RAMP1: variants seen among roughly 807,000 people sequenced by gnomAD.
The protein encoded by RAMP1 is receptor activity-modifying protein 1.
Under a neutral mutation model 8.2 loss-of-function variants are expected in RAMP1, and 7 were observed. The observed-to-expected ratio is 0.85, with a 90% CI of 0.49 to 1.60. The LOEUF is 1.60. Among genes scored for constraint, RAMP1 ranks in the 40% most tolerant of loss-of-function variants. The pLI is 0.00. For synonymous variants in RAMP1, 92 were observed against 84.7 expected, an observed-to-expected ratio of 1.09 and a Z score of -0.47; for missense variants, 192 against 202.4, an observed-to-expected ratio of 0.95 and a Z score of 0.31.
At chr2:237,859,821 AGCGGGTGGGG>A (rs1559931930) in intron 1 of RAMP1, 94 bp downstream of exon 1, 12 of 950,346 alleles carry the variant, frequency 1.3e-5, no homozygotes, top group South Asian at 2.6e-5. Flanking sequence ...AGCGGGTGGG[AGCGGGTGGGG>A]GCGGGCGCCG....
intron 2 of RAMP1, among the ~76,000 whole-genome samples, chr2:237,906,833 C>T (rs1236425610): frequency 6.6e-6 from 1 of 150,832 alleles, no homozygotes; most frequent in Non-Finnish European, 1.5e-5. Context: ...AGTAATTCTC[C>T]TGCCTCAGCC....
chr2:237,901,672 C>T (rs749151432), intron 2 of RAMP1, among the ~76,000 whole-genome samples: 23 of 152,066 alleles, frequency 1.5e-4, no homozygotes, highest in Admixed American at 1.0e-3. Flanking sequence ...GCACTGAAGG[C>T]GTGAAGCAGG....
At chr2:237,885,292 C>T (rs986282034) in intron 2 of RAMP1, among the ~76,000 whole-genome samples, 1 of 152,190 alleles carries the variant, frequency 6.6e-6, no homozygotes, top group Middle Eastern at 3.2e-3. Context: ...TCGACCCCCA[C>T]GAGGTCTCGG....
chr2:237,894,631 G>A (rs1029540845), intron 2 of RAMP1, among the ~76,000 whole-genome samples: 4 of 152,214 alleles, frequency 2.6e-5, no homozygotes, highest in South Asian at 4.1e-4. Context: ...CATCCCAGAA[G>A]CCAGGCGGGG....
At chr2:237,909,302 A>G (rs989111801) in intron 2 of RAMP1, among the ~76,000 whole-genome samples, 4 of 152,170 alleles carry the variant, frequency 2.6e-5, no homozygotes, top group Non-Finnish European at 5.9e-5. Flanking sequence ...CCTGTCTACA[A>G]AACAATGGGT....
intron 2 of RAMP1, among the ~76,000 whole-genome samples, chr2:237,896,459 C>T (rs2062543223): frequency 6.6e-6 from 1 of 152,166 alleles, no homozygotes; most frequent in South Asian, 2.1e-4. Flanking sequence ...GAAGCCAGGC[C>T]CAGGGAGGGC....
intron 1 of RAMP1, among the ~76,000 whole-genome samples, chr2:237,870,170 A>G (rs2062230709): frequency 6.6e-6 from 1 of 152,206 alleles, no homozygotes; most frequent in South Asian, 2.1e-4. Context: ...CACCTTTTGG[A>G]TGTTCCCCGG....
intron 1 of RAMP1, among the ~76,000 whole-genome samples, chr2:237,873,429 C>T (rs1223230178): frequency 6.6e-6 from 1 of 152,212 alleles, no homozygotes; most frequent in African/African-American, 2.4e-5. Flanking sequence ...GCTGCCCCGT[C>T]CTTCTGTCCC....
chr2:237,890,473 A>C (rs887447453), intron 2 of RAMP1, among the ~76,000 whole-genome samples: 2 of 152,212 alleles, frequency 1.3e-5, no homozygotes, highest in East Asian at 1.9e-4. Flanking sequence ...AAGTGCTGGG[A>C]TTACAGGCAT....
chr2:237,911,925 C>G lies in RAMP1; in HGVS notation c.*142C>G, dbSNP rs546769622. ...CCAGCCAAGAAGAGCTCACAGGAGT[C>G]CAGAGTAGCCGAGGCTCTGGTATTA... On this transcript the variant is annotated 3_prime_UTR_variant, in exon 3 of 3. Transcript: ENST00000254661. The G allele has an allele frequency of 1.4e-3, 1,871 of 1,319,388 alleles. 2 individuals carry two copies. Among genetic ancestry groups the G allele is most frequent in the Non-Finnish European group, 1.8e-3 (1,744 of 992,894 alleles). 81.7% of individuals were successfully genotyped at this position (1,319,388 alleles called of 1,614,324 possible).
At position 237,907,604 on chromosome 2, in the gene RAMP1, T is replaced by G. The variant is rs373067328; in HGVS notation, c.192-3924T>G. 3.9e-5 allele frequency among the ~76,000 whole-genome samples: 6 copies of G among 152,302 alleles called. No individual in the cohort carries two copies. The East Asian group carries it at 7.7e-4, about 20-fold the overall frequency. On this transcript the variant is annotated intron_variant, in intron 2 of 2. Transcript: ENST00000254661. ...TTTTCGTGTCTGCTGATGGGCCCAT[T>G]GAAGGAATTCTCTCTGATGCCATAT...
At chr2:237,896,598 T>C (rs2062544986) in intron 2 of RAMP1, among the ~76,000 whole-genome samples, 1 of 152,214 alleles carries the variant, frequency 6.6e-6, no homozygotes, top group South Asian at 2.1e-4. Context: ...TCGGGTGATG[T>C]GAGAAGCACA....
chr2:237,890,583 T>G (rs1364597953), intron 2 of RAMP1, among the ~76,000 whole-genome samples: 3 of 152,238 alleles, frequency 2.0e-5, no homozygotes, highest in Non-Finnish European at 4.4e-5. Context: ...ACCTCAGTAA[T>G]TTGGGGGATT....
At chr2:237,904,257 C>A (rs1470686089) in intron 2 of RAMP1, among the ~76,000 whole-genome samples, 9 of 145,588 alleles carry the variant, frequency 6.2e-5, no homozygotes, top group Non-Finnish European at 6.0e-5. Context: ...ACTAAAAATA[C>A]AAAAAAAAAA....
intron 2 of RAMP1, among the ~76,000 whole-genome samples, chr2:237,895,113 G>A (rs1050585323): frequency 6.6e-6 from 1 of 152,156 alleles, no homozygotes; most frequent in African/African-American, 2.4e-5. Flanking sequence ...CAGCACCATG[G>A]CCTCTGGAGC....
chr2:237,876,429 G>A (rs748786602), intron 1 of RAMP1, among the ~76,000 whole-genome samples: 14 of 152,218 alleles, frequency 9.2e-5, no homozygotes, highest in Admixed American at 2.0e-4. Context: ...AGGCCGGTAG[G>A]GGTGGGGCTG....
chr2:237,881,150 A>G (rs2062364274), intron 2 of RAMP1, among the ~76,000 whole-genome samples: 1 of 152,178 alleles, frequency 6.6e-6, no homozygotes, highest in Non-Finnish European at 1.5e-5. Flanking sequence ...TCTTATATAA[A>G]GGGTTGTATA....
chr2:237,910,383 TCA>T (rs145233740), intron 2 of RAMP1, among the ~76,000 whole-genome samples: 15,424 of 135,240 alleles, frequency 0.11, 794 homozygotes, highest in East Asian at 0.17. Context: ...AATAACACAG[TCA>T]CACACACACA....
chr2:237,884,919 A>T (rs1319049998), intron 2 of RAMP1, among the ~76,000 whole-genome samples: 4 of 152,166 alleles, frequency 2.6e-5, no homozygotes, highest in Non-Finnish European at 5.9e-5. Context: ...TCCAGGCCCC[A>T]GGGAGTGGGG....
Sources: gnomAD v4.1 joint callset for allele counts (sites outside exome capture counted in the v4.1 genomes callset) on GRCh38, gnomAD v4.1.1 for gene constraint, MANE v1.5 for transcripts, NCBI Gene and HGNC (gene_info 2026-07-23, HGNC 2026-07-21) for gene names.